PDGFRL: variants seen among roughly 807,000 people sequenced by gnomAD.
PDGFRL encodes the protein platelet-derived growth factor receptor-like protein.
A neutral mutation model predicts 37.2 loss-of-function variants in PDGFRL; 46 were observed. That is an observed-to-expected ratio of 1.24 (90% CI 0.98 to 1.58). PDGFRL has a LOEUF of 1.58. Among genes scored for constraint, PDGFRL ranks in the 40% most tolerant of loss-of-function variants. PDGFRL has a pLI of 0.00. For synonymous variants in PDGFRL, 251 were observed against 184.3 expected (o/e 1.36, Z -2.93); for missense variants, 692 against 467.6 (o/e 1.48, Z -4.43).
At chr8:17,616,256 G>T (rs1055997447) in intron 2 of PDGFRL, among the ~76,000 whole-genome samples, 1 of 151,868 alleles carries the variant, frequency 6.6e-6, no homozygotes, top group Non-Finnish European at 1.5e-5. Context: ...GTGCAGTGCC[G>T]CAATCTCAGC....
intron 1 of PDGFRL, among the ~76,000 whole-genome samples, chr8:17,583,127 A>G (rs1486930889): frequency 6.6e-6 from 1 of 152,174 alleles, no homozygotes; most frequent in Admixed American, 6.5e-5. Flanking sequence ...AGAGTGATGG[A>G]GGCTTAGCTT....
intron 2 of PDGFRL, among the ~76,000 whole-genome samples, chr8:17,592,472 C>T (rs866180323): frequency 3.3e-5 from 5 of 152,110 alleles, no homozygotes; most frequent in Non-Finnish European, 7.3e-5. Flanking sequence ...CGGTGGATGC[C>T]CTTGGGGATA....
intron 2 of PDGFRL, among the ~76,000 whole-genome samples, chr8:17,614,671 C>T (rs1804488033): frequency 1.3e-5 from 2 of 152,188 alleles, no homozygotes; most frequent in Admixed American, 1.3e-4. Context: ...CTCCAGCTCC[C>T]AGGCTCAAGT....
intron 2 of PDGFRL, among the ~76,000 whole-genome samples, chr8:17,612,066 G>A (rs940499232): frequency 2.0e-5 from 3 of 152,110 alleles, no homozygotes; most frequent in South Asian, 4.2e-4. Context: ...CAGCCATGCT[G>A]CACTCCAAAT....
At chr8:17,593,456 G>C (rs557022224) in intron 2 of PDGFRL, among the ~76,000 whole-genome samples, 4 of 149,166 alleles carry the variant, frequency 2.7e-5, no homozygotes, top group Middle Eastern at 3.4e-3. Flanking sequence ...AATTTAACCT[G>C]GCTTTGTAGT....
At chr8:17,625,579 C>T (rs1328852558) in intron 3 of PDGFRL, among the ~76,000 whole-genome samples, 2 of 152,106 alleles carry the variant, frequency 1.3e-5, no homozygotes, top group Non-Finnish European at 2.9e-5. Context: ...AAACAAACTT[C>T]AACACTTTGT....
intron 2 of PDGFRL, among the ~76,000 whole-genome samples, chr8:17,620,101 T>G (rs1804601684): frequency 6.6e-6 from 1 of 152,174 alleles, no homozygotes; most frequent in Admixed American, 6.5e-5. Flanking sequence ...TAGCTAGGAC[T>G]ACAGGAGTCA....
chr8:17,585,155 A>C (rs1472228571), intron 1 of PDGFRL, among the ~76,000 whole-genome samples: 2 of 152,160 alleles, frequency 1.3e-5, no homozygotes, highest in Admixed American at 1.3e-4. Flanking sequence ...ATGATCAGTG[A>C]GGATGACTAG....
intron 1 of PDGFRL, among the ~76,000 whole-genome samples, chr8:17,579,141 G>C (rs992589005): frequency 3.9e-5 from 6 of 152,100 alleles, no homozygotes; most frequent in Admixed American, 3.3e-4. Flanking sequence ...AGGTTGCAGT[G>C]AGCCGAGATC....
chr8:17,591,974 A>C (rs185263645), intron 2 of PDGFRL, among the ~76,000 whole-genome samples: 1 of 152,246 alleles, frequency 6.6e-6, no homozygotes, highest in East Asian at 1.9e-4. Context: ...CTGCATGTTC[A>C]CAACGATTTA....
chr8:17,625,251 G>C (rs935274277), intron 3 of PDGFRL, among the ~76,000 whole-genome samples: 3 of 150,244 alleles, frequency 2.0e-5, no homozygotes, highest in African/African-American at 4.9e-5. Flanking sequence ...TCCCCGGTTC[G>C]AGCGATTCTC....
Position 17,621,106 on chromosome 8 carries a change from G to A in PDGFRL, c.409G>A (p.Asp137Asn). Reference sequence around the variant, plus strand: ...GACTCTGGTCAACTCCACCTCGGCAGACACAGGTGAATTCAGCTGCTGGGT... The same window carrying A: ...GACTCTGGTCAACTCCACCTCGGCAAACACAGGTGAATTCAGCTGCTGGGT... ...QLTLVNSTSA[D>N]TGEFSCWVQL... The change falls in exon 3 of 6, where the codon GAC (aspartate) becomes AAC (asparagine). Residue 137 changes from aspartate (D) to asparagine (N), a missense_variant. Coordinates refer to ENST00000251630, the MANE Select transcript of PDGFRL (RefSeq NM_001372073.1). The A allele has an allele frequency of 6.2e-7, 1 of 1,612,216 alleles. No individual in the cohort carries two copies. The highest frequency in any genetic ancestry group is 8.5e-7 in the Non-Finnish European group (1 of 1,178,664).
At chr8:17,624,815 C>G (rs1804700576) in intron 3 of PDGFRL, among the ~76,000 whole-genome samples, 1 of 151,990 alleles carries the variant, frequency 6.6e-6, no homozygotes, top group African/African-American at 2.4e-5. Context: ...GGCTGAGGCA[C>G]AAGAATTGCT....
intron 5 of PDGFRL, among the ~76,000 whole-genome samples, chr8:17,638,067 A>C (rs1305647118): frequency 3.3e-5 from 5 of 151,288 alleles, no homozygotes; most frequent in African/African-American, 7.3e-5. Flanking sequence ...TCAGATCTTT[A>C]TTTCTTTTGT....
chr8:17,633,984 A>G (rs1016392610), intron 4 of PDGFRL, 90 bp from the exon 5 acceptor site: 4 of 1,302,258 alleles, frequency 3.1e-6, no homozygotes, highest in Non-Finnish European at 4.5e-6. Flanking sequence ...AGAAAATTCC[A>G]TCTCTCTCCA....
intron 2 of PDGFRL, among the ~76,000 whole-genome samples, chr8:17,607,299 TTAGAG>T (rs142491567): frequency 0.15 from 23,291 of 152,000 alleles, 2,099 homozygotes; most frequent in Non-Finnish European, 0.2. Flanking sequence ...GATCTAGTCA[TTAGAG>T]TAGGGGAAAT....
At chr8:17,576,539 C>G (rs186166389), upstream of PDGFRL, 1 of 160,560 alleles carries the variant, frequency 6.2e-6, no homozygotes, top group Non-Finnish European at 1.3e-5. Flanking sequence ...ACTGGCTGCA[C>G]CTGCTGTTCT....
At chr8:17,580,538 T>C (rs1245783418) in intron 1 of PDGFRL, among the ~76,000 whole-genome samples, 2 of 152,140 alleles carry the variant, frequency 1.3e-5, no homozygotes, top group African/African-American at 4.8e-5. Flanking sequence ...AGAGGACTGA[T>C]GGTTTTCAAA....
intron 1 of PDGFRL, among the ~76,000 whole-genome samples, chr8:17,579,821 A>T (rs1157890476): frequency 6.6e-6 from 1 of 152,032 alleles, no homozygotes; most frequent in Non-Finnish European, 1.5e-5. Context: ...CCTCATGAAG[A>T]TGGGGAGCTG....
Sources: gnomAD v4.1 joint callset for allele counts (sites outside exome capture counted in the v4.1 genomes callset) on GRCh38, gnomAD v4.1.1 for gene constraint, MANE v1.5 for transcripts, NCBI Gene and HGNC (gene_info 2026-07-23, HGNC 2026-07-21) for gene names.